The following KLB variants were observed in gnomAD, a reference collection of about 807,000 sequenced individuals.
KLB encodes beta-klotho.
In KLB, 44 loss-of-function variants were observed where a neutral mutation model predicts 88.4. That is an observed-to-expected ratio of 0.50 (90% CI 0.39 to 0.64). The LOEUF (loss-of-function observed/expected upper bound fraction) is 0.64, where lower values mean the gene tolerates loss of function less well. KLB is among the 30% of genes least tolerant of loss of function. The pLI, the probability that KLB is intolerant of heterozygous loss-of-function variation, is 0.00. For missense variants in KLB, 1,137 were observed against 1,304.8 expected (o/e 0.87, Z 1.98); for synonymous variants, 548 against 513.4 (o/e 1.07, Z -0.91).
chr4:39,424,434 C>G (rs1743152896), intron 1 of KLB, among the ~76,000 whole-genome samples: 1 of 151,612 alleles, frequency 6.6e-6, no homozygotes, highest in Non-Finnish European at 1.5e-5. Context: ...TTTGCAAGAA[C>G]TGCTCACCTA....
chr4:39,425,994 T>C (rs1018060298), intron 1 of KLB, among the ~76,000 whole-genome samples: 1 of 151,962 alleles, frequency 6.6e-6, no homozygotes, highest in Admixed American at 6.6e-5. Context: ...GGCTCACACC[T>C]GTAATCCCAG....
intron 3 of KLB, among the ~76,000 whole-genome samples, chr4:39,444,822 C>T (rs1009176455): frequency 2.0e-5 from 3 of 152,158 alleles, no homozygotes; most frequent in African/African-American, 7.2e-5. Context: ...TCAATGTTCT[C>T]TTAGTTTAAT....
intron 1 of KLB, among the ~76,000 whole-genome samples, chr4:39,410,986 AAGACTC>A (rs1392136210): frequency 1.3e-5 from 2 of 152,196 alleles, no homozygotes; most frequent in Admixed American, 1.3e-4. Context: ...ATGCGGGTCT[AAGACTC>A]AGGTAAAAAT....
At chr4:39,445,684 G>GC (rs1743725405) in intron 3 of KLB, among the ~76,000 whole-genome samples, 2 of 94,960 alleles carry the variant, frequency 2.1e-5, no homozygotes, top group Admixed American at 2.5e-4. Flanking sequence ...TTGTTTTTTT[G>GC]TTTTTTTTTT....
intron 1 of KLB, among the ~76,000 whole-genome samples, chr4:39,413,249 G>A (rs1244882144): frequency 6.6e-6 from 1 of 152,208 alleles, no homozygotes; most frequent in Non-Finnish European, 1.5e-5. Context: ...AGGCAGTAAT[G>A]TCTGTTTTCA....
At chr4:39,416,182 A>G (rs183697134) in intron 1 of KLB, among the ~76,000 whole-genome samples, 1 of 152,060 alleles carries the variant, frequency 6.6e-6, no homozygotes, top group Non-Finnish European at 1.5e-5. Context: ...TCAATTAGAT[A>G]TGTCTCTTTA....
chr4:39,442,435 C>CTTT (rs772744557), intron 3 of KLB, among the ~76,000 whole-genome samples: 4 of 138,484 alleles, frequency 2.9e-5, no homozygotes, highest in African/African-American at 5.4e-5. Flanking sequence ...CCTCTCTCCC[C>CTTT]TTTTTTTTTT....
chr4:39,424,298 T>C (rs545160586), intron 1 of KLB, among the ~76,000 whole-genome samples: 1 of 152,016 alleles, frequency 6.6e-6, no homozygotes, highest in South Asian at 2.1e-4. Context: ...CTCGAACTCC[T>C]GGGCTCAAGT....
chr4:39,406,968 G>C lies in KLB; in HGVS notation c.19G>C (p.Ala7Pro). The C allele has an allele frequency of 6.2e-7, 1 of 1,610,356 alleles. No homozygotes were observed. Among genetic ancestry groups the C allele is most frequent in the Non-Finnish European group, 8.5e-7 (1 of 1,177,130 alleles). The change falls in exon 1 of 5, where the codon GCA (alanine) becomes CCA (proline). Residue 7 changes from alanine to proline, a missense_variant. Ala to Pro is a conservative substitution (Grantham distance 27). Transcript: ENST00000257408. Reference sequence around the variant, plus strand: ...GTGGCAAATGAAGCCAGGCTGTGCGGCAGGATCTCCAGGGAATGAATGGAT... The same window carrying C: ...GTGGCAAATGAAGCCAGGCTGTGCGCCAGGATCTCCAGGGAATGAATGGAT... MKPGCA[A>P]GSPGNEWIFF...
chr4:39,414,106 C>T (rs1021535020), intron 1 of KLB, among the ~76,000 whole-genome samples: 2 of 152,078 alleles, frequency 1.3e-5, no homozygotes, highest in African/African-American at 4.8e-5. Flanking sequence ...CCTCACTCCA[C>T]CTTTGAAAAC....
At chr4:39,436,277 G>A (rs1743470217) in intron 2 of KLB, among the ~76,000 whole-genome samples, 1 of 152,184 alleles carries the variant, frequency 6.6e-6, no homozygotes, top group African/African-American at 2.4e-5. Flanking sequence ...TTCAGGGAGG[G>A]TCCTGAGGGA....
intron 1 of KLB, among the ~76,000 whole-genome samples, chr4:39,429,437 C>T (rs1326979661): frequency 1.3e-5 from 2 of 152,114 alleles, no homozygotes; most frequent in East Asian, 1.9e-4. Context: ...CTTCCAGGGG[C>T]ATCAAAAAAT....
At chr4:39,419,205 T>C (rs76850498) in intron 1 of KLB, among the ~76,000 whole-genome samples, 6,538 of 152,252 alleles carry the variant, frequency 0.043, 179 homozygotes, top group Non-Finnish European at 0.057. Flanking sequence ...AAAGTTATAC[T>C]TCAGTAAATG....
At chr4:39,417,094 G>GA (rs1742979477) in intron 1 of KLB, among the ~76,000 whole-genome samples, 1 of 25,560 alleles carries the variant, frequency 3.9e-5, no homozygotes, top group Non-Finnish European at 1.1e-4. Context: ...TTCTTTAATT[G>GA]AAAAAAAGGA....
chr4:39,443,772 A>G (rs548998141), intron 3 of KLB, among the ~76,000 whole-genome samples: 508 of 151,178 alleles, frequency 3.4e-3, no homozygotes, highest in Middle Eastern at 6.8e-3. Context: ...AAAAAAAAAA[A>G]AAAAAGAAAA....
At position 39,450,396 on chromosome 4, in the gene KLB, G is replaced by A. The variant is rs1743865813; in HGVS notation, c.*1710G>A. The A allele has an allele frequency of 6.6e-6, 1 of 152,196 alleles. No individual in the cohort carries two copies. Among genetic ancestry groups the A allele is most frequent in the African/African-American group, 2.4e-5 (1 of 41,468 alleles). The allele number at this position is 152,196 out of a possible 1,614,324, so 9.4% of individuals were successfully genotyped here. ...TTGATTATATTCTAGGTCCACCTATGTCTGAAGCTAAATTCAGTATCTAAC... is the reference window on the plus strand; with the variant it reads ...TTGATTATATTCTAGGTCCACCTATATCTGAAGCTAAATTCAGTATCTAAC... On this transcript the variant is annotated 3_prime_UTR_variant, in exon 5 of 5. Coordinates refer to ENST00000257408, the MANE Select transcript of KLB (RefSeq NM_175737.4).
At chr4:39,421,808 G>A (rs1187445734) in intron 1 of KLB, among the ~76,000 whole-genome samples, 1 of 151,392 alleles carries the variant, frequency 6.6e-6, no homozygotes, top group Admixed American at 6.6e-5. Context: ...GCTCAGTGGT[G>A]CGATCAGCTC....
intron 1 of KLB, among the ~76,000 whole-genome samples, chr4:39,410,420 A>C (rs1324227640): frequency 6.6e-6 from 1 of 152,192 alleles, no homozygotes; most frequent in East Asian, 1.9e-4. Context: ...TGTTTTCCAA[A>C]TAATGTTTGT....
chr4:39,448,707 G>A lies in KLB; in HGVS notation c.*21G>A, dbSNP rs377571125. On this transcript the variant is annotated 3_prime_UTR_variant, in exon 5 of 5. Transcript: ENST00000257408. ...GCTAAACTGATCTGTCTGCATGATA[G>A]ACAGTTTAAAAATTCATCCCAGTTC... 4 of 1,586,792 alleles carry A rather than the reference G, an allele frequency of 2.5e-6. No homozygotes were observed. In the South Asian group the frequency reaches 3.4e-5, roughly 13 times the overall value.
Sources: gnomAD v4.1 joint callset for allele counts (sites outside exome capture counted in the v4.1 genomes callset) on GRCh38, gnomAD v4.1.1 for gene constraint, MANE v1.5 for transcripts, NCBI Gene and HGNC (gene_info 2026-07-23, HGNC 2026-07-21) for gene names.